RIN2: variants seen among roughly 807,000 people sequenced by gnomAD.
RIN2 encodes the protein Ras and Rab interactor 2.
A neutral mutation model predicts 78.0 loss-of-function variants in RIN2; 36 were observed. That is an observed-to-expected ratio of 0.46 (90% CI 0.35 to 0.61). The LOEUF is 0.61. RIN2 is among the 20% of genes least tolerant of loss of function. The probability of loss-of-function intolerance (pLI) is 0.00; values close to 1 mark genes in which losing one functional copy is unlikely to be tolerated. For missense variants in RIN2, 1,087 were observed against 1,159.7 expected, an observed-to-expected ratio of 0.94 and a Z score of 0.91; for synonymous variants, 466 against 466.8, an observed-to-expected ratio of 1.00 and a Z score of 0.02.
At chr20:19,954,576 G>T (rs2041455336) in intron 4 of RIN2, among the ~76,000 whole-genome samples, 1 of 152,150 alleles carries the variant, frequency 6.6e-6, no homozygotes, top group Non-Finnish European at 1.5e-5. Flanking sequence ...TAAGACTCCT[G>T]GTCCTCTCTG....
chr20:19,932,235 G>A (rs949291675), intron 3 of RIN2, among the ~76,000 whole-genome samples: 7 of 152,152 alleles, frequency 4.6e-5, no homozygotes, highest in Admixed American at 2.6e-4. Context: ...GAGCTTGGCC[G>A]ATTTCCTCTC....
chr20:19,858,301 G>A (rs999919481), intron 2 of RIN2, among the ~76,000 whole-genome samples: 29 of 152,176 alleles, frequency 1.9e-4, no homozygotes, highest in African/African-American at 6.3e-4. Context: ...GGAAGGAAGG[G>A]TGACAGAGTT....
chr20:19,953,552 C>T (rs888576208), intron 4 of RIN2, among the ~76,000 whole-genome samples: 14 of 151,780 alleles, frequency 9.2e-5, no homozygotes, highest in Admixed American at 3.9e-4. Flanking sequence ...GCAATTCTCC[C>T]GCCCTAGCCT....
chr20:19,889,936 G>A (rs906323232), intron 3 of RIN2, among the ~76,000 whole-genome samples: 10 of 152,166 alleles, frequency 6.6e-5, no homozygotes, highest in African/African-American at 2.2e-4. Context: ...TGCTCAGTTT[G>A]TCCTTTTTCA....
intron 2 of RIN2, among the ~76,000 whole-genome samples, chr20:19,855,809 C>T (rs1315523885): frequency 6.6e-6 from 1 of 152,186 alleles, no homozygotes; most frequent in African/African-American, 2.4e-5. Flanking sequence ...GGCATGGTGG[C>T]TCACGCTTGT....
intron 3 of RIN2, among the ~76,000 whole-genome samples, 166 bp from the exon 4 acceptor site, chr20:19,934,933 T>C (rs2040574690): frequency 6.6e-6 from 1 of 151,328 alleles, no homozygotes; most frequent in Admixed American, 6.6e-5. Flanking sequence ...CTTTATTTTT[T>C]CCTCTGGCTA....
At chr20:19,832,530 G>C (rs987481684) in intron 2 of RIN2, among the ~76,000 whole-genome samples, 5 of 151,408 alleles carry the variant, frequency 3.3e-5, no homozygotes, top group Non-Finnish European at 7.4e-5. Context: ...TCTTTCATGT[G>C]CTCCCACCCT....
intron 1 of RIN2, among the ~76,000 whole-genome samples, chr20:19,765,471 G>T (rs2033844692): frequency 6.6e-6 from 1 of 152,150 alleles, no homozygotes; most frequent in South Asian, 2.1e-4. Context: ...ACCTTGGCTG[G>T]CTCAAAGGTT....
chr20:19,904,617 A>T (rs1011894363), intron 3 of RIN2, among the ~76,000 whole-genome samples: 4 of 152,102 alleles, frequency 2.6e-5, no homozygotes, highest in Non-Finnish European at 4.4e-5. Flanking sequence ...TCTGAGGGAG[A>T]AAAAGGGTGG....
intron 2 of RIN2, among the ~76,000 whole-genome samples, chr20:19,884,801 G>GA (rs1417759935): frequency 1.3e-5 from 2 of 151,876 alleles, no homozygotes. Context: ...ACCTCTCTTA[G>GA]AAAAAAACAA....
rs555718703 is a variant in RIN2 at position 19,946,566 on chromosome 20, A to G, written c.159-10049A>G. 5.3e-5 allele frequency among the ~76,000 whole-genome samples: 8 copies of G among 151,992 alleles called. No homozygotes were observed. In the East Asian group the frequency reaches 1.5e-3, roughly 29 times the overall value. ...AACCCCGTCTCTACTAAAAATGCAC[A>G]TATTAGTCTGGCATGGTGGCGCTTG... On this transcript the variant is annotated intron_variant, in intron 4 of 12. Coordinates refer to ENST00000255006, the MANE Select transcript of RIN2 (RefSeq NM_018993.4).
chr20:19,841,558 TAAAGGGGC>T (rs2036577260), intron 2 of RIN2, among the ~76,000 whole-genome samples: 2 of 152,120 alleles, frequency 1.3e-5, no homozygotes, highest in African/African-American at 4.8e-5. Context: ...ATCCACACTG[TAAAGGGGC>T]TTATCATGTG....
intron 1 of RIN2, among the ~76,000 whole-genome samples, chr20:19,797,867 T>C (rs1401328769): frequency 6.6e-6 from 1 of 150,598 alleles, no homozygotes; most frequent in Non-Finnish European, 1.5e-5. Flanking sequence ...ATCTTTTTTT[T>C]TTTTTTTTTT....
At chr20:19,976,243 A>T (rs1441066866) in intron 9 of RIN2, among the ~76,000 whole-genome samples, 1 of 152,044 alleles carries the variant, frequency 6.6e-6, no homozygotes, top group Non-Finnish European at 1.5e-5. Context: ...AAACTCACGT[A>T]TGCATTGGAA....
At chr20:19,950,311 C>T (rs2041262253) in intron 4 of RIN2, among the ~76,000 whole-genome samples, 1 of 152,172 alleles carries the variant, frequency 6.6e-6, no homozygotes, top group African/African-American at 2.4e-5. Flanking sequence ...TAAGTTTTAT[C>T]TCCCCATGAT....
intron 4 of RIN2, among the ~76,000 whole-genome samples, chr20:19,943,986 T>TTC (rs2040985435): frequency 6.7e-6 from 1 of 148,560 alleles, no homozygotes; most frequent in Non-Finnish European, 1.5e-5. Flanking sequence ...TTTTTTTTTT[T>TTC]TTTTTTTTTT....
intron 2 of RIN2, among the ~76,000 whole-genome samples, chr20:19,846,580 CTT>C (rs1346290596): frequency 6.6e-6 from 1 of 152,188 alleles, no homozygotes; most frequent in Non-Finnish European, 1.5e-5. Flanking sequence ...TATCTTGAGA[CTT>C]TGCTGAAGTT....
At position 19,784,821 on chromosome 20, in the gene RIN2, C is replaced by T. The variant is rs1284465490; in HGVS notation, c.-162-14801C>T. Among the ~76,000 whole-genome samples, 5 of 152,188 alleles carry T rather than the reference C, an allele frequency of 3.3e-5. No individual in the cohort carries two copies. The East Asian group carries it at 9.7e-4, about 29-fold the overall frequency. Reference sequence around the variant, plus strand: ...ACATTACCCCTGGAAGGACAGGCCCCATCCTGAGTGGGAATACCAGACAGT... The same window carrying T: ...ACATTACCCCTGGAAGGACAGGCCCTATCCTGAGTGGGAATACCAGACAGT... On this transcript the variant is annotated intron_variant, in intron 1 of 12. Transcript: ENST00000255006.
At chr20:19,834,491 C>T (rs1056085645) in intron 2 of RIN2, among the ~76,000 whole-genome samples, 2 of 152,148 alleles carry the variant, frequency 1.3e-5, no homozygotes, top group Non-Finnish European at 2.9e-5. Context: ...CAACCTCCCA[C>T]CCAGTGCGAC....
Sources: gnomAD v4.1 joint callset for allele counts (sites outside exome capture counted in the v4.1 genomes callset) on GRCh38, gnomAD v4.1.1 for gene constraint, MANE v1.5 for transcripts, NCBI Gene and HGNC (gene_info 2026-07-23, HGNC 2026-07-21) for gene names.